The following PXDNL variants were observed in gnomAD, a reference collection of about 807,000 sequenced individuals.
The protein encoded by PXDNL is probable oxidoreductase PXDNL.
Under a neutral mutation model 150.8 loss-of-function variants are expected in PXDNL, and 145 were observed. That is an observed-to-expected ratio of 0.96 (90% CI 0.84 to 1.10). PXDNL has a LOEUF of 1.10. Ranked by LOEUF, PXDNL falls within the 50% of genes least tolerant of loss-of-function variation. The pLI, the probability that PXDNL is intolerant of heterozygous loss-of-function variation, is 0.00. For missense variants in PXDNL, 2,087 were observed against 1,873.9 expected (o/e 1.11, Z -2.10); for synonymous variants, 757 against 725.7 (o/e 1.04, Z -0.69).
intron 19 of PXDNL, among the ~76,000 whole-genome samples, chr8:51,370,173 T>C (rs1807058331): frequency 6.6e-6 from 1 of 152,196 alleles, no homozygotes; most frequent in Admixed American, 6.5e-5. Context: ...CTCAGGACAA[T>C]TATATGAGCT....
chr8:51,608,848 A>G (rs1402547530), intron 2 of PXDNL, among the ~76,000 whole-genome samples: 6 of 151,282 alleles, frequency 4.0e-5, no homozygotes, highest in Non-Finnish European at 8.9e-5. Flanking sequence ...AAAAAAAAAA[A>G]AAAAAAAAAA....
At position 51,565,321 on chromosome 8, in the gene PXDNL, A is replaced by AATAGATAG. The variant is rs367721031; in HGVS notation, c.309-8418_309-8411dup. 9.2e-3 allele frequency among the ~76,000 whole-genome samples: 1,253 copies of AATAGATAG among 135,528 alleles called. 15 individuals are homozygous for AATAGATAG. Among genetic ancestry groups the AATAGATAG allele is most frequent in the African/African-American group, 0.029 (911 of 31,168 alleles). 88.9% of individuals were successfully genotyped at this position (135,528 alleles called of 152,430 possible). A position where few individuals can be genotyped will look rare whatever the true frequency, so the allele number is the denominator to read the frequency against. On this transcript the variant is annotated intron_variant, in intron 3 of 22. Transcript: ENST00000356297. ...AAATAAATAAATAAATAAATAAATA[A>AATAGATAG]ATAGATAGATAGATAGATAGATAAA... is the stretch of plus-strand genomic sequence containing the variant.
chr8:51,328,050 A>G (rs547434545), intron 21 of PXDNL, among the ~76,000 whole-genome samples: 2 of 152,332 alleles, frequency 1.3e-5, no homozygotes, highest in African/African-American at 2.4e-5. Flanking sequence ...GGTAAAGCAG[A>G]TTGCCCTCCA....
chr8:51,414,583 C>T (rs1262954791), intron 14 of PXDNL, among the ~76,000 whole-genome samples: 2 of 151,702 alleles, frequency 1.3e-5, no homozygotes, highest in Non-Finnish European at 2.9e-5. Flanking sequence ...CCAATGTTGC[C>T]TTTCCTAGTC....
At chr8:51,323,633 G>A (rs190149470) in intron 21 of PXDNL, among the ~76,000 whole-genome samples, 202 of 152,224 alleles carry the variant, frequency 1.3e-3, no homozygotes, top group Non-Finnish European at 2.3e-3. Context: ...ATGTACCAGG[G>A]CTGGGTGCGG....
intron 1 of PXDNL, among the ~76,000 whole-genome samples, chr8:51,718,990 C>T (rs571107941): frequency 1.2e-4 from 18 of 151,500 alleles, no homozygotes; most frequent in South Asian, 4.2e-4. Flanking sequence ...GGGAGGGAGG[C>T]GGGGGGCAGC....
intron 4 of PXDNL, among the ~76,000 whole-genome samples, chr8:51,502,666 GT>G (rs11306659): frequency 0.36 from 53,214 of 147,834 alleles, 10,139 homozygotes; most frequent in African/African-American, 0.5. Context: ...CAGTAGAAGT[GT>G]TTTTTTTTTT....
In PXDNL at chr8:51,409,143, C is replaced by T. The variant is rs1361813711; in HGVS notation, c.2481G>A (p.Ser827=). 3 of 1,603,776 alleles carry T rather than the reference C, an allele frequency of 1.9e-6. No homozygotes were observed. The African/African-American group carries it at 4.0e-5, about 21-fold the overall frequency. Residue 827 remains serine (S), a synonymous_variant, in exon 17 of 23, where the codon TCG becomes TCA. Coordinates refer to ENST00000356297, the MANE Select transcript of PXDNL (RefSeq NM_144651.5). ...AGACGGAGCTGCACGGCCGCCCATCCGAGAAGCGGGCTGTGCTCAGCGCAG... is the reference window on the plus strand; with the variant it reads ...AGACGGAGCTGCACGGCCGCCCATCTGAGAAGCGGGCTGTGCTCAGCGCAG... ...TVPALSTARF[S]DGRPCSSVCT...
intron 1 of PXDNL, among the ~76,000 whole-genome samples, chr8:51,677,721 T>C (rs757891286): frequency 1.4e-4 from 21 of 152,232 alleles, no homozygotes; most frequent in Non-Finnish European, 2.9e-4. Context: ...TTCTTCTAAA[T>C]AGACATATAC....
chr8:51,622,817 C>T (rs1327727386), intron 2 of PXDNL, among the ~76,000 whole-genome samples: 1 of 152,192 alleles, frequency 6.6e-6, no homozygotes, highest in African/African-American at 2.4e-5. Flanking sequence ...AGGCACCTAC[C>T]CTGGGCCCAC....
chr8:51,731,895 T>A (rs10095728), intron 1 of PXDNL, among the ~76,000 whole-genome samples: 368 of 152,272 alleles, frequency 2.4e-3, no homozygotes, highest in African/African-American at 7.1e-3. Context: ...CGGAACCATT[T>A]TTTTTCCTTC....
chr8:51,762,347 A>C (rs1400756264), intron 1 of PXDNL, among the ~76,000 whole-genome samples: 1 of 152,216 alleles, frequency 6.6e-6, no homozygotes, highest in Non-Finnish European at 1.5e-5. Flanking sequence ...TCTATAGAGA[A>C]TCCCCTTCCC....
At chr8:51,404,783 G>A (rs980608730) in intron 17 of PXDNL, among the ~76,000 whole-genome samples, 2 of 152,238 alleles carry the variant, frequency 1.3e-5, no homozygotes, top group African/African-American at 4.8e-5. Context: ...GCACCAGGGT[G>A]GCAGGCAGAG....
At chr8:51,567,304 G>A (rs1585585285) in intron 3 of PXDNL, among the ~76,000 whole-genome samples, 1 of 151,688 alleles carries the variant, frequency 6.6e-6, no homozygotes, top group Admixed American at 6.6e-5. Context: ...TTGAGTGATG[G>A]TGCTGTTCAG....
intron 9 of PXDNL, among the ~76,000 whole-genome samples, chr8:51,456,250 CATT>C (rs1212176341): frequency 6.6e-6 from 1 of 152,204 alleles, no homozygotes; most frequent in Non-Finnish European, 1.5e-5. Flanking sequence ...AATCTCGTGT[CATT>C]CCCAGCCTCT....
At chr8:51,567,237 A>G (rs113749235) in intron 3 of PXDNL, among the ~76,000 whole-genome samples, 33 of 151,760 alleles carry the variant, frequency 2.2e-4, no homozygotes, top group African/African-American at 7.7e-4. Context: ...GCTTGAGAAG[A>G]CTGTGTATTT....
chr8:51,496,734 C>T (rs538153613), intron 5 of PXDNL, among the ~76,000 whole-genome samples: 23 of 152,100 alleles, frequency 1.5e-4, no homozygotes, highest in South Asian at 4.2e-4. Context: ...TTGCAAGGGA[C>T]GTGAAGGACC....
chr8:51,434,578 A>G (rs1809343822), intron 12 of PXDNL, among the ~76,000 whole-genome samples: 1 of 152,234 alleles, frequency 6.6e-6, no homozygotes. Context: ...TATACATTAA[A>G]TGTATTTTCT....
intron 1 of PXDNL, among the ~76,000 whole-genome samples, chr8:51,664,227 G>A (rs1815334658): frequency 6.6e-6 from 1 of 152,104 alleles, no homozygotes; most frequent in African/African-American, 2.4e-5. Flanking sequence ...CATATACCAT[G>A]TTATATAAAG....
Sources: allele counts gnomAD v4.1 joint callset (sites outside exome capture counted in the v4.1 genomes callset), GRCh38; gene constraint gnomAD v4.1.1; transcripts MANE v1.5; gene names NCBI Gene and HGNC (gene_info 2026-07-23, HGNC 2026-07-21).